Variants in SCAPER observed in about 807,000 individuals in gnomAD.
The protein encoded by SCAPER is S phase cyclin A-associated protein in the endoplasmic reticulum.
Under a neutral mutation model 182.2 loss-of-function variants are expected in SCAPER, and 98 were observed. The observed-to-expected ratio is 0.54, with a 90% confidence interval of 0.46 to 0.64. SCAPER has a LOEUF of 0.64. Ranked by LOEUF, SCAPER falls within the 30% of genes least tolerant of loss-of-function variation. The probability of loss-of-function intolerance (pLI) is 0.00; values close to 1 mark genes in which losing one functional copy is unlikely to be tolerated. For missense variants in SCAPER, 1,432 were observed against 1,690.0 expected (o/e 0.85, Z 2.68); for synonymous variants, 605 against 564.6 (o/e 1.07, Z -1.01).
intron 23 of SCAPER, among the ~76,000 whole-genome samples, chr15:76,523,268 A>G (rs921352367): frequency 2.0e-5 from 3 of 152,088 alleles, no homozygotes; most frequent in African/African-American, 7.2e-5. Flanking sequence ...AGAAATATAT[A>G]TTTGCATAAA....
rs115318496 is a variant in SCAPER, at chr15:76,394,169, A to G, written c.3467+10355T>C. Among the ~76,000 whole-genome samples the G allele has an allele frequency of 8.3e-3, 1,266 of 152,304 alleles. 12 individuals are homozygous for G. Among genetic ancestry groups the G allele is most frequent in the African/African-American group, 0.029 (1,201 of 41,550 alleles). On this transcript the variant is annotated intron_variant, in intron 27 of 31. Coordinates refer to ENST00000563290, the MANE Select transcript of SCAPER (RefSeq NM_020843.4). ...TCAGGAAGAAGAGTAGGTTCATATT[A>G]GTCTGCATGTTGCCAAGGAGCAAGT...
intron 24 of SCAPER, among the ~76,000 whole-genome samples, chr15:76,473,743 G>T (rs1053035968): frequency 6.6e-6 from 1 of 152,042 alleles, no homozygotes; most frequent in Non-Finnish European, 1.5e-5. Context: ...CACTGCTCTC[G>T]GATAGGGGTT....
intron 7 of SCAPER, chr15:76,797,579 C>G (rs1056436364): frequency 2.6e-5 from 4 of 152,146 alleles, no homozygotes; most frequent in Admixed American, 2.0e-4. Context: ...GAGGAACTGA[C>G]AAGCAAAGGC....
intron 5 of SCAPER, among the ~76,000 whole-genome samples, chr15:76,821,963 A>G (rs1239730525): frequency 6.6e-6 from 1 of 152,060 alleles, no homozygotes; most frequent in Non-Finnish European, 1.5e-5. Context: ...AAAACTAGAG[A>G]GAGTAAAAAG....
At chr15:76,547,221 ATTT>A (rs2045370470) in intron 23 of SCAPER, among the ~76,000 whole-genome samples, 1 of 152,088 alleles carries the variant, frequency 6.6e-6, no homozygotes, top group Admixed American at 6.6e-5. Context: ...TGAACTTTCA[ATTT>A]TTGCCAAAGA....
chr15:76,464,563 A>C (rs1011792112), intron 25 of SCAPER, among the ~76,000 whole-genome samples: 3 of 152,130 alleles, frequency 2.0e-5, no homozygotes, highest in African/African-American at 7.2e-5. Flanking sequence ...TGAAAAAAAA[A>C]CTATGCATAA....
At chr15:76,634,196 T>C (rs533644457) in intron 21 of SCAPER, among the ~76,000 whole-genome samples, 3 of 152,298 alleles carry the variant, frequency 2.0e-5, no homozygotes, top group Non-Finnish European at 2.9e-5. Flanking sequence ...AGGAGTAGCA[T>C]AGTCCCTCAC....
intron 26 of SCAPER, among the ~76,000 whole-genome samples, chr15:76,418,097 TC>T (rs2045782878): frequency 6.6e-6 from 1 of 152,064 alleles, no homozygotes; most frequent in Non-Finnish European, 1.5e-5. Flanking sequence ...CTGGTGGTTG[TC>T]CCCCTCCACC....
intron 4 of SCAPER, among the ~76,000 whole-genome samples, chr15:76,844,485 A>G (rs1241289510): frequency 6.6e-6 from 1 of 152,182 alleles, no homozygotes; most frequent in Non-Finnish European, 1.5e-5. Flanking sequence ...GCTCTCCAAG[A>G]AAAGAGAGAA....
intron 22 of SCAPER, among the ~76,000 whole-genome samples, chr15:76,588,123 C>T (rs557585408): frequency 6.6e-5 from 10 of 152,030 alleles, no homozygotes; most frequent in African/African-American, 2.2e-4. Flanking sequence ...GGGGTTTCAC[C>T]GTGTTAGCCA....
intron 5 of SCAPER, among the ~76,000 whole-genome samples, chr15:76,816,298 A>G (rs2067072945): frequency 6.6e-6 from 1 of 152,190 alleles, no homozygotes; most frequent in Non-Finnish European, 1.5e-5. Flanking sequence ...ACACAAACAC[A>G]TTGTACAATT....
chr15:76,711,176 T>C (rs908520140), intron 17 of SCAPER, among the ~76,000 whole-genome samples: 9 of 152,168 alleles, frequency 5.9e-5, no homozygotes, highest in Non-Finnish European at 1.2e-4. Context: ...AACCATTGTA[T>C]ATAAAATGAA....
intron 14 of SCAPER, among the ~76,000 whole-genome samples, chr15:76,760,681 G>C (rs2062721736): frequency 6.6e-6 from 1 of 152,154 alleles, no homozygotes; most frequent in Admixed American, 6.6e-5. Flanking sequence ...ACTCAGCAAA[G>C]CCCAAGGCAT....
At chr15:76,757,451 T>TAC (rs1424786855) in intron 14 of SCAPER, among the ~76,000 whole-genome samples, 1 of 84,192 alleles carries the variant, frequency 1.2e-5, no homozygotes, top group East Asian at 4.4e-4. Context: ...TTCTGTTTTA[T>TAC]ATATACACAC....
intron 21 of SCAPER, among the ~76,000 whole-genome samples, chr15:76,660,822 C>A (rs537864762): frequency 6.6e-6 from 1 of 151,882 alleles, no homozygotes; most frequent in South Asian, 2.1e-4. Flanking sequence ...CATTAAAAAT[C>A]TTATAAATTT....
chr15:76,367,058 T>A (rs1359334482), intron 29 of SCAPER, among the ~76,000 whole-genome samples: 2 of 152,250 alleles, frequency 1.3e-5, no homozygotes, highest in African/African-American at 4.8e-5. Flanking sequence ...ACAGCTGGTC[T>A]GGCCATGACT....
intron 31 of SCAPER, 77 bp downstream of exon 31, chr15:76,351,160 C>A: frequency 8.1e-7 from 1 of 1,233,850 alleles, no homozygotes; most frequent in South Asian, 1.5e-5. Flanking sequence ...TATAATGTAG[C>A]AGTTCCAGAG....
chr15:76,707,481 G>A (rs1409081521), intron 17 of SCAPER, among the ~76,000 whole-genome samples: 1 of 151,976 alleles, frequency 6.6e-6, no homozygotes, highest in East Asian at 1.9e-4. Context: ...TTACAACAGA[G>A]ACAATTTGAC....
At chr15:76,868,602 G>C (rs1170744914) in intron 2 of SCAPER, among the ~76,000 whole-genome samples, 3 of 151,998 alleles carry the variant, frequency 2.0e-5, no homozygotes, top group Non-Finnish European at 4.4e-5. Context: ...GAAAGATCCA[G>C]ACAAGGAAAA....
Sources: gnomAD v4.1 joint callset for allele counts (sites outside exome capture counted in the v4.1 genomes callset) on GRCh38, gnomAD v4.1.1 for gene constraint, MANE v1.5 for transcripts, NCBI Gene and HGNC (gene_info 2026-07-23, HGNC 2026-07-21) for gene names.